Variants in ASAP1 observed in about 807,000 individuals in gnomAD.
The protein encoded by ASAP1 is ArfGAP with SH3 domain, ankyrin repeat and PH domain 1, also known as arf-GAP with SH3 domain, ANK repeat and PH domain-containing protein 1.
In ASAP1, 43 loss-of-function variants were observed where a neutral mutation model predicts 145.2. That is an observed-to-expected ratio of 0.30 (90% CI 0.23 to 0.38). The LOEUF is 0.38. Among genes scored for constraint, ASAP1 ranks in the 10% least tolerant of loss-of-function variants. The pLI is 1.00. For synonymous variants in ASAP1, 546 were observed against 515.5 expected (o/e 1.06, Z -0.80); for missense variants, 1,018 against 1,355.3 (o/e 0.75, Z 3.91).
In ASAP1 at chr8:130,247,376, T is replaced by C. The variant is rs146719336; in HGVS notation, c.187-10382A>G. 9.4e-3 allele frequency among the ~76,000 whole-genome samples: 1,426 copies of C among 152,162 alleles called. 10 individuals carry two copies. Among genetic ancestry groups the C allele is most frequent in the Non-Finnish European group, 0.015 (998 of 67,990 alleles). On this transcript the variant is annotated intron_variant, in intron 3 of 29. Coordinates refer to ENST00000518721, the MANE Select transcript of ASAP1 (RefSeq NM_018482.4). ...TACCTATGTTTGACAGATAAGAAAATTGAACATCAGAATGGCCCTAAGATA... is the reference window on the plus strand; with the variant it reads ...TACCTATGTTTGACAGATAAGAAAACTGAACATCAGAATGGCCCTAAGATA...
intron 5 of ASAP1, among the ~76,000 whole-genome samples, chr8:130,203,413 G>A (rs1297186687): frequency 3.9e-5 from 6 of 152,166 alleles, no homozygotes; most frequent in Admixed American, 6.5e-5. Context: ...CGTGTTTCCC[G>A]GTGCTGGCTA....
chr8:130,435,426 A>G (rs890104623), intron 1 of ASAP1, among the ~76,000 whole-genome samples: 3 of 152,196 alleles, frequency 2.0e-5, no homozygotes, highest in Non-Finnish European at 2.9e-5. Flanking sequence ...TCAGGGCCCT[A>G]CCACTGCCCT....
intron 29 of ASAP1, among the ~76,000 whole-genome samples, chr8:130,056,927 G>GA (rs2097405525): frequency 6.6e-6 from 1 of 152,188 alleles, no homozygotes; most frequent in Admixed American, 6.5e-5. Context: ...CTGGCAACGT[G>GA]AAAACCAATA....
chr8:130,383,371 G>A (rs1384860619), intron 2 of ASAP1, among the ~76,000 whole-genome samples: 1 of 152,198 alleles, frequency 6.6e-6, no homozygotes. Context: ...CTACAAGCCA[G>A]GAGTCTGTAA....
chr8:130,236,533 TATTG>T (rs1476948517), intron 4 of ASAP1, among the ~76,000 whole-genome samples: 1 of 152,112 alleles, frequency 6.6e-6, no homozygotes, highest in Non-Finnish European at 1.5e-5. Context: ...CCATCGCCAA[TATTG>T]ATTTTCAAAT....
At chr8:130,282,157 T>C (rs1208020080) in intron 3 of ASAP1, among the ~76,000 whole-genome samples, 1 of 152,178 alleles carries the variant, frequency 6.6e-6, no homozygotes, top group Non-Finnish European at 1.5e-5. Flanking sequence ...TGCAGTATCT[T>C]TTAATTAGAA....
intron 4 of ASAP1, among the ~76,000 whole-genome samples, chr8:130,231,747 G>A (rs968330649): frequency 6.6e-6 from 1 of 152,130 alleles, no homozygotes; most frequent in Non-Finnish European, 1.5e-5. Flanking sequence ...GTATACCCAC[G>A]CTTATTATGA....
intron 24 of ASAP1, among the ~76,000 whole-genome samples, chr8:130,099,977 G>A (rs2097525809): frequency 6.6e-6 from 1 of 152,012 alleles, no homozygotes; most frequent in African/African-American, 2.4e-5. Flanking sequence ...GTAAACATGG[G>A]GTGCAGGTAT....
chr8:130,247,994 T>C (rs1586678385), intron 3 of ASAP1, among the ~76,000 whole-genome samples: 2 of 152,226 alleles, frequency 1.3e-5, no homozygotes, highest in South Asian at 4.2e-4. Context: ...AGCTTCCAGG[T>C]GCCCTTTAAA....
At chr8:130,347,148 A>G (rs1304765243) in intron 3 of ASAP1, among the ~76,000 whole-genome samples, 1 of 152,224 alleles carries the variant, frequency 6.6e-6, no homozygotes, top group African/African-American at 2.4e-5. Context: ...TCCATCCTGG[A>G]TATCTACGGA....
chr8:130,373,368 C>T (rs1171799954), intron 2 of ASAP1, among the ~76,000 whole-genome samples: 2 of 152,070 alleles, frequency 1.3e-5, no homozygotes, highest in African/African-American at 2.4e-5. Context: ...CTTCAACAAA[C>T]TGAACACAGC....
At chr8:130,394,920 G>A (rs1828456853) in intron 2 of ASAP1, among the ~76,000 whole-genome samples, 2 of 152,184 alleles carry the variant, frequency 1.3e-5, no homozygotes, top group South Asian at 4.1e-4. Context: ...CCAGCAAACA[G>A]CAGAACCAGG....
intron 4 of ASAP1, among the ~76,000 whole-genome samples, chr8:130,216,000 GAAAGGAAAGGAAAGGAA>G (rs1468917707): frequency 1.9e-4 from 23 of 118,908 alleles, no homozygotes; most frequent in Admixed American, 3.4e-4. Flanking sequence ...GAAAGGAAAG[GAAAGGAAAGGAAAGGAA>G]AAAGGAAAGG....
intron 5 of ASAP1, among the ~76,000 whole-genome samples, chr8:130,191,552 A>C (rs1287041978): frequency 6.6e-6 from 1 of 152,234 alleles, no homozygotes; most frequent in African/African-American, 2.4e-5. Context: ...AGAGGCAGTC[A>C]CTACACAGCC....
chr8:130,243,210 G>A (rs1818646962), intron 3 of ASAP1, among the ~76,000 whole-genome samples: 1 of 152,076 alleles, frequency 6.6e-6, no homozygotes, highest in African/African-American at 2.4e-5. Context: ...GATAAAGTAA[G>A]TTGTTCATAA....
chr8:130,223,935 C>T lies in ASAP1; in HGVS notation c.260-9234G>A, dbSNP rs56928931. Among the ~76,000 whole-genome samples, 1,057 of 152,276 alleles carry T rather than the reference C, an allele frequency of 6.9e-3. 11 individuals are homozygous for T. The highest frequency in any genetic ancestry group is 0.025 in the African/African-American group (1,021 of 41,538). On this transcript the variant is annotated intron_variant, in intron 4 of 29. Transcript: ENST00000518721. ...GATACACGCATTATTACACTCCAGTCATAAAACCTATCCAAAGTTCTCCTG... is the reference window on the plus strand; with the variant it reads ...GATACACGCATTATTACACTCCAGTTATAAAACCTATCCAAAGTTCTCCTG...
chr8:130,101,560 T>C (rs530771528), intron 24 of ASAP1, among the ~76,000 whole-genome samples: 3 of 151,792 alleles, frequency 2.0e-5, no homozygotes, highest in African/African-American at 7.3e-5. Flanking sequence ...GTAAAAGGGA[T>C]TGCTTTCTCA....
At chr8:130,258,823 C>T (rs1216854448) in intron 3 of ASAP1, among the ~76,000 whole-genome samples, 1 of 152,128 alleles carries the variant, frequency 6.6e-6, no homozygotes, top group Non-Finnish European at 1.5e-5. Flanking sequence ...AGATAACATA[C>T]GTGGTGGTTG....
intron 24 of ASAP1, among the ~76,000 whole-genome samples, chr8:130,099,700 T>TTTTTTTTTG (rs35874860): frequency 1.6e-5 from 2 of 125,124 alleles, no homozygotes; most frequent in Non-Finnish European, 1.6e-5. Flanking sequence ...TTTTTTTTTT[T>TTTTTTTTTG]GAGACAGAGT....
Sources: allele counts gnomAD v4.1 joint callset (sites outside exome capture counted in the v4.1 genomes callset), GRCh38; gene constraint gnomAD v4.1.1; transcripts MANE v1.5; gene names NCBI Gene and HGNC (gene_info 2026-07-23, HGNC 2026-07-21).